Variants in BCR observed in about 807,000 individuals in gnomAD.
The protein encoded by BCR is BCR activator of RhoGEF and GTPase.
Under a neutral mutation model 138.6 loss-of-function variants are expected in BCR, and 58 were observed. That is an observed-to-expected ratio of 0.42 (90% CI 0.34 to 0.52). The LOEUF (loss-of-function observed/expected upper bound fraction) is 0.52. Among genes scored for constraint, BCR ranks in the 20% least tolerant of loss-of-function variants. The pLI, the probability that BCR is intolerant of heterozygous loss-of-function variation, is 0.06. For missense variants in BCR, 1,599 were observed against 1,727.2 expected, an observed-to-expected ratio of 0.93 and a Z score of 1.32; for synonymous variants, 786 against 730.1, an observed-to-expected ratio of 1.08 and a Z score of -1.23.
Position 23,312,934 on chromosome 22 carries a change from A to G in BCR, c.3370A>G (p.Ile1124Val), listed in dbSNP as rs768856616. ...VMMSEMDVNA[I>V]AGTLKLYFRE... ...GATGAGCGAGATGGACGTGAACGCCATCGCAGGCACGCTGAAGCTGTACTT... is the reference window on the plus strand; with the variant it reads ...GATGAGCGAGATGGACGTGAACGCCGTCGCAGGCACGCTGAAGCTGTACTT... Residue 1124 changes from isoleucine to valine, a missense_variant, in exon 20 of 23, where the codon ATC becomes GTC. By Grantham distance (29) the Ile-to-Val change is conservative. Coordinates refer to ENST00000305877, the MANE Select transcript of BCR (RefSeq NM_004327.4). 36 of 1,593,776 alleles carry G rather than the reference A, an allele frequency of 2.3e-5. No homozygotes were observed. Among genetic ancestry groups the G allele is most frequent in the Middle Eastern group, 2.3e-4 (1 of 4,442 alleles).
intron 1 of BCR, among the ~76,000 whole-genome samples, chr22:23,247,296 C>G (rs5996505): frequency 0.55 from 83,938 of 152,004 alleles, 24,388 homozygotes; most frequent in African/African-American, 0.75. Flanking sequence ...TGTTTGATCT[C>G]CTTTTACCTT....
Position 23,315,622 on chromosome 22 carries a change from C to A in BCR, c.*100C>A. 4 of 1,136,698 alleles carry A rather than the reference C, an allele frequency of 3.5e-6. No individual in the cohort carries two copies. The highest frequency in any genetic ancestry group is 1.3e-6 in the Non-Finnish European group (1 of 763,062). The allele number at this position is 1,136,698 out of a possible 1,614,324, so 70.4% of individuals were successfully genotyped here. A position where few individuals can be genotyped will look rare whatever the true frequency, so the allele number is the denominator to read the frequency against. ...GAACCTTCCTGAGGTGTCCTTGGGC[C>A]ACCCCCAAGTGTTGGGCCATCTGCC... On this transcript the variant is annotated 3_prime_UTR_variant, in exon 23 of 23. Transcript: ENST00000305877.
intron 1 of BCR, among the ~76,000 whole-genome samples, chr22:23,210,548 G>A (rs188228704): frequency 2.6e-5 from 4 of 152,132 alleles, no homozygotes; most frequent in Admixed American, 1.3e-4. Flanking sequence ...ATACTGTTCT[G>A]TGAGGTGTGA....
At chr22:23,256,860 T>G (rs2073300506) in intron 2 of BCR, among the ~76,000 whole-genome samples, 1 of 152,172 alleles carries the variant, frequency 6.6e-6, no homozygotes, top group Non-Finnish European at 1.5e-5. Flanking sequence ...AAGCCCAGTT[T>G]GTTTTGTGGG....
chr22:23,239,269 C>T lies in BCR; in HGVS notation c.1280-14530C>T, dbSNP rs1035663389. Among the ~76,000 whole-genome samples the T allele has an allele frequency of 6.6e-5, 10 of 152,166 alleles. No individual in the cohort carries two copies. In the South Asian group the frequency reaches 1.5e-3, roughly 22 times the overall value. On this transcript the variant is annotated intron_variant, in intron 1 of 22. Transcript: ENST00000305877. ...GCAGTGTTGTGCAGGACATTCAGAA[C>T]GTGACTGGGTTTCTATTCTGATTTG...
At chr22:23,193,838 A>G (rs1026941838) in intron 1 of BCR, among the ~76,000 whole-genome samples, 1 of 152,190 alleles carries the variant, frequency 6.6e-6, no homozygotes, top group African/African-American at 2.4e-5. Flanking sequence ...GGGAGGTTTT[A>G]GGTGGAGGGC....
chr22:23,310,673 G>A (rs1381186324), intron 18 of BCR, among the ~76,000 whole-genome samples: 1 of 152,222 alleles, frequency 6.6e-6, no homozygotes, highest in African/African-American at 2.4e-5. Context: ...CAAGTGCAGG[G>A]TTTTCTGCCC....
chr22:23,195,042 C>T (rs9624049), intron 1 of BCR, among the ~76,000 whole-genome samples: 38,712 of 151,828 alleles, frequency 0.25, 5,111 homozygotes, highest in East Asian at 0.35. Context: ...TTTGGGAGGC[C>T]GAGGCAGGCA....
intron 1 of BCR, among the ~76,000 whole-genome samples, chr22:23,219,180 A>G (rs1236613852): frequency 6.6e-6 from 1 of 152,214 alleles, no homozygotes; most frequent in African/African-American, 2.4e-5. Context: ...CAAAGCCCTT[A>G]AGCCGACAGA....
intron 1 of BCR, among the ~76,000 whole-genome samples, chr22:23,223,101 A>G (rs2072845845): frequency 6.6e-6 from 1 of 152,182 alleles, no homozygotes; most frequent in Non-Finnish European, 1.5e-5. Flanking sequence ...TTACGACCTC[A>G]TCACCTCCCA....
At position 23,279,349 on chromosome 22, in the gene BCR, C is replaced by T. The variant is rs2073615635; in HGVS notation, c.2116-4628C>T. On this transcript the variant is annotated intron_variant, in intron 8 of 22. Transcript: ENST00000305877. ...AGAGCAGGTGAGAGGGAGGGAAGGG[C>T]GAGCAGGACCCTTGACCTCATTCTC... Among the ~76,000 whole-genome samples, 4 of 152,204 alleles carry T rather than the reference C, an allele frequency of 2.6e-5. No homozygotes were observed. In the South Asian group the frequency reaches 8.3e-4, roughly 31 times the overall value.
At chr22:23,210,200 G>C (rs2072665059) in intron 1 of BCR, among the ~76,000 whole-genome samples, 1 of 152,196 alleles carries the variant, frequency 6.6e-6, no homozygotes, top group East Asian at 1.9e-4. Context: ...AGGATTGCTT[G>C]AGCCCAGGAA....
rs2072675692 is a variant in BCR, at chr22:23,211,042, C to T, written c.1279+28803C>T. On this transcript the variant is annotated intron_variant, in intron 1 of 22. Transcript: ENST00000305877. The stretch of plus-strand genomic sequence containing the variant: ...CATCACCCCCAAAAGAAACCCTATA[C>T]CTATTAGCACTCTCTCCCCATCCCC... Among the ~76,000 whole-genome samples the T allele has an allele frequency of 5.9e-5, 9 of 152,270 alleles. No individual in the cohort carries two copies. The South Asian group carries it at 1.9e-3, about 32-fold the overall frequency.
chr22:23,313,932 T>C, intron 20 of BCR, 36 bp from the exon 21 acceptor site: 3 of 1,568,428 alleles, frequency 1.9e-6, no homozygotes, highest in Non-Finnish European at 2.6e-6. Flanking sequence ...CTCTGGCTCG[T>C]TGTGACCCCA....
chr22:23,213,433 G>A (rs1321360960), intron 1 of BCR, among the ~76,000 whole-genome samples: 2 of 152,192 alleles, frequency 1.3e-5, no homozygotes, highest in Admixed American at 6.5e-5. Context: ...ATTCCGGAGG[G>A]ACGCTGAGCC....
Position 23,303,931 on chromosome 22 carries a change from C to CTTTTT in BCR, c.3013-5476_3013-5472dup, listed in dbSNP as rs131683. 2.8e-3 allele frequency among the ~76,000 whole-genome samples: 293 copies of CTTTTT among 106,164 alleles called. 3 individuals carry two copies. The highest frequency in any genetic ancestry group is 8.6e-3 in the African/African-American group (223 of 25,866). The allele number at this position is 106,164 out of a possible 152,430, so 69.6% of individuals were successfully genotyped here. On this transcript the variant is annotated intron_variant, in intron 16 of 22. Coordinates refer to ENST00000305877, the MANE Select transcript of BCR (RefSeq NM_004327.4). ...TCTATCACCCCAATTTCCTTGTTGC[C>CTTTTT]TTTTTTTTTTTTTTTTTTTTTAAGA...
chr22:23,246,751 C>T (rs546732270), intron 1 of BCR, among the ~76,000 whole-genome samples: 77 of 152,240 alleles, frequency 5.1e-4, no homozygotes, highest in African/African-American at 1.7e-3. Context: ...GGAAGTACCC[C>T]GTAAAGGGTG....
chr22:23,182,100 C>T lies in BCR; in HGVS notation c.1140C>T (p.Ser380=), dbSNP rs772007472. The T allele has an allele frequency of 1.9e-6, 3 of 1,612,818 alleles. No individual in the cohort carries two copies. Among genetic ancestry groups the T allele is most frequent in the Non-Finnish European group, 2.5e-6 (3 of 1,180,014 alleles). The part of the protein sequence containing the change: ...PSQNSQQSFD[S]SSPPTPQCHK... ...AGAACTCGCAACAGTCCTTCGACAG[C>T]AGCAGTCCCCCCACGCCGCAGTGCC... Residue 380 remains serine, a synonymous_variant, in exon 1 of 23, where the codon AGC becomes AGT. Transcript: ENST00000305877.
chr22:23,211,125 T>C (rs926370673), intron 1 of BCR, among the ~76,000 whole-genome samples: 1 of 152,240 alleles, frequency 6.6e-6, no homozygotes, highest in African/African-American at 2.4e-5. Context: ...GATTTGTCTT[T>C]TCTGGGCTTT....
Sources: gnomAD v4.1 joint callset for allele counts (sites outside exome capture counted in the v4.1 genomes callset) on GRCh38, gnomAD v4.1.1 for gene constraint, MANE v1.5 for transcripts, NCBI Gene and HGNC (gene_info 2026-07-23, HGNC 2026-07-21) for gene names.